The following ACOT11 variants were observed in gnomAD, a reference collection of about 807,000 sequenced individuals.
ACOT11 encodes the protein acyl-coenzyme A thioesterase 11.
Under a neutral mutation model 77.5 loss-of-function variants are expected in ACOT11, and 69 were observed. The observed-to-expected ratio is 0.89, with a 90% CI of 0.73 to 1.09. The LOEUF (loss-of-function observed/expected upper bound fraction) is 1.09. ACOT11 is among the 50% of genes least tolerant of loss of function. The probability of loss-of-function intolerance (pLI) is 0.00; values close to 1 mark genes in which losing one functional copy is unlikely to be tolerated. For synonymous variants in ACOT11, 279 were observed against 313.0 expected (o/e 0.89, Z 1.15); for missense variants, 766 against 813.7 (o/e 0.94, Z 0.71).
chr1:54,612,640 A>T, downstream of ACOT11: 1 of 1,614,004 alleles, frequency 6.2e-7, no homozygotes, highest in Non-Finnish European at 8.5e-7. Context: ...GGGGACGTGG[A>T]CATGTAGAAG....
chr1:54,624,366 G>C (rs1359048552), intron 15 of ACOT11, among the ~76,000 whole-genome samples: 1 of 152,026 alleles, frequency 6.6e-6, no homozygotes, highest in South Asian at 2.1e-4. Flanking sequence ...GGGACTGAGG[G>C]GTGGAGGGGC....
At chr1:54,611,616 C>T, downstream of ACOT11, 1 of 1,613,994 alleles carries the variant, frequency 6.2e-7, no homozygotes, top group Non-Finnish European at 8.5e-7. Flanking sequence ...AGGCCAGCTG[C>T]TTGAACTGTG....
exon 17 of ACOT11, chr1:54,637,442 CA>C (rs1644336987): frequency 6.6e-6 from 1 of 152,352 alleles, no homozygotes; most frequent in African/African-American, 2.4e-5. Flanking sequence ...GAGATCATGC[CA>C]CTGCACTCCA....
At chr1:54,612,481 T>G (rs746602480), downstream of ACOT11, 9 of 1,612,026 alleles carry the variant, frequency 5.6e-6, no homozygotes, top group Admixed American at 1.5e-4. Flanking sequence ...TTTGGTGGTT[T>G]TCACCTCTCA....
At position 54,601,152 on chromosome 1, in the gene ACOT11, T is replaced by TGC. The variant is rs1557663136; in HGVS notation, c.885-116_885-115dup. 8.7e-5 allele frequency: 105 copies of TGC among 1,203,640 alleles called. No homozygotes were observed. In the African/African-American group the frequency reaches 1.4e-3, roughly 16 times the overall value. 74.6% of individuals were successfully genotyped at this position (1,203,640 alleles called of 1,614,324 possible). A position where few individuals can be genotyped will look rare whatever the true frequency, so the allele number is the denominator to read the frequency against. ...ATGTGTGTGCATACGTGTGTGTGTGTGCATGCATGTGTGTGGGCGCATGTG... is the reference window on the plus strand; with the variant it reads ...ATGTGTGTGCATACGTGTGTGTGTGTGCGCATGCATGTGTGTGGGCGCATGTG... On this transcript the variant is annotated intron_variant, in intron 8 of 15. Transcript: ENST00000343744.
At chr1:54,637,147 G>C (rs1410113040) in exon 17 of ACOT11, 1 of 152,146 alleles carries the variant, frequency 6.6e-6, no homozygotes, top group African/African-American at 2.4e-5. Context: ...AGCTCTGAAG[G>C]CTGTGAGACC....
At chr1:54,587,550 CTTTTTTTTTTTT>C (rs33913350) in intron 3 of ACOT11, among the ~76,000 whole-genome samples, 7 of 73,542 alleles carry the variant, frequency 9.5e-5, no homozygotes, top group Admixed American at 7.6e-4. Flanking sequence ...GTTTGTAATC[CTTTTTTTTTTTT>C]TTTTTTTTTT....
intron 6 of ACOT11, among the ~76,000 whole-genome samples, chr1:54,596,623 G>A (rs907409811): frequency 6.6e-6 from 1 of 152,196 alleles, no homozygotes; most frequent in African/African-American, 2.4e-5. Context: ...GCCCAGGCTG[G>A]AGTATAGTGG....
chr1:54,610,151 T>C lies in ACOT11; in HGVS notation c.*1039T>C. The stretch of plus-strand genomic sequence containing the variant: ...AACTCTTGTTTCAGCTCTTGGCCTT[T>C]ACCCATGACTCAGCCTGGGGGCTGG... On this transcript the variant is annotated 3_prime_UTR_variant, in exon 16 of 16. Transcript: ENST00000343744. The C allele has an allele frequency of 7.0e-7, 1 of 1,432,830 alleles. No individual in the cohort carries two copies. The highest frequency in any genetic ancestry group is 2.9e-5 in the Admixed American group (1 of 34,762). The allele number at this position is 1,432,830 out of a possible 1,614,324, so 88.8% of individuals were successfully genotyped here.
intron 16 of ACOT11, among the ~76,000 whole-genome samples, chr1:54,632,320 T>G (rs972745990): frequency 6.6e-6 from 1 of 152,192 alleles, no homozygotes; most frequent in African/African-American, 2.4e-5. Context: ...AGTGCTGCAG[T>G]AGATTTATGC....
intron 8 of ACOT11, among the ~76,000 whole-genome samples, chr1:54,600,074 G>A (rs1314653291): frequency 1.3e-5 from 2 of 152,190 alleles, no homozygotes; most frequent in African/African-American, 4.8e-5. Flanking sequence ...GAGTTATGAG[G>A]ATTCAATGAG....
chr1:54,615,763 G>A (rs1644166619), intron 15 of ACOT11, among the ~76,000 whole-genome samples: 1 of 152,192 alleles, frequency 6.6e-6, no homozygotes, highest in East Asian at 1.9e-4. Context: ...AGCATGCGCG[G>A]CACTTTGCAG....
chr1:54,601,534 G>C (rs945785436), intron 9 of ACOT11, 121 bp downstream of exon 9: 4 of 1,415,966 alleles, frequency 2.8e-6, no homozygotes, highest in Non-Finnish European at 3.8e-6. Flanking sequence ...CCCTACCCCC[G>C]TGCTGGGGCA....
At chr1:54,605,022 C>T (rs3763491) in intron 12 of ACOT11, 54 bp from the exon 13 acceptor site, 64,965 of 1,549,708 alleles carry the variant, frequency 0.042, 2,460 homozygotes, top group Admixed American at 0.16. Context: ...CTCCAGCATC[C>T]CCATCAGTCC....
At position 54,607,952 on chromosome 1, in the gene ACOT11, G is replaced by T. The variant is rs774717264; in HGVS notation, c.1513G>T (p.Val505Phe). 5.6e-6 allele frequency: 9 copies of T among 1,613,760 alleles called. No individual in the cohort carries two copies. The highest frequency in any genetic ancestry group is 7.6e-6 in the Non-Finnish European group (9 of 1,179,946). ...CCTTCCTTCACTCAGGGACCCCTAT[G>T]TCATCGCGCTGAGGTCGGTCACGCT... is the stretch of plus-strand genomic sequence containing the variant. ...RKPCDNGDPY[V>F]IALRSVTLPT... Residue 505 changes from valine to phenylalanine, a missense_variant, in exon 15 of 16, where the codon GTC becomes TTC. Coordinates refer to ENST00000343744, the MANE Select transcript of ACOT11 (RefSeq NM_147161.4). The surrounding 1 kb of genome is among the most constrained non-coding windows in gnomAD (Gnocchi z 4.5).
At chr1:54,579,267 C>T (rs1755588) in intron 1 of ACOT11, among the ~76,000 whole-genome samples, 18,183 of 152,106 alleles carry the variant, frequency 0.12, 2,598 homozygotes, top group African/African-American at 0.35. Context: ...CCTCAAGGCC[C>T]ATGCAGCTCT....
chr1:54,605,037 C>T, intron 12 of ACOT11, 39 bp from the exon 13 acceptor site: 6 of 1,588,296 alleles, frequency 3.8e-6, no homozygotes, highest in Non-Finnish European at 4.3e-6. Context: ...CAGTCCACTC[C>T]ACCACCCAGC....
At chr1:54,621,238 C>G (rs892614070) in intron 15 of ACOT11, among the ~76,000 whole-genome samples, 23 of 151,728 alleles carry the variant, frequency 1.5e-4, no homozygotes, top group Non-Finnish European at 2.9e-4. Flanking sequence ...AGGCGGATCA[C>G]CTGAGTTCAG....
At chr1:54,625,244 T>TC (rs1644264961) in intron 15 of ACOT11, among the ~76,000 whole-genome samples, 1 of 94,492 alleles carries the variant, frequency 1.1e-5, no homozygotes, top group Admixed American at 1.1e-4. Context: ...TGGCTCATTC[T>TC]CCAAATCAAC....
Sources: gnomAD v4.1 joint callset for allele counts (sites outside exome capture counted in the v4.1 genomes callset) on GRCh38, gnomAD v4.1.1 for gene constraint, Gnocchi (gnomAD v3.1) non-coding constraint, MANE v1.5 for transcripts, NCBI Gene and HGNC (gene_info 2026-07-23, HGNC 2026-07-21) for gene names.